Variants in CLTCL1 observed in about 807,000 individuals in gnomAD.
CLTCL1 encodes clathrin heavy chain 2.
Under a neutral mutation model 190.0 loss-of-function variants are expected in CLTCL1, and 159 were observed. The observed-to-expected ratio is 0.84, with a 90% CI of 0.74 to 0.95. The LOEUF is 0.95. Among genes scored for constraint, CLTCL1 ranks in the 40% least tolerant of loss-of-function variants. The pLI, the probability that CLTCL1 is intolerant of heterozygous loss-of-function variation, is 0.00. For missense variants in CLTCL1, 1,878 were observed against 2,033.4 expected (o/e 0.92, Z 1.47); for synonymous variants, 752 against 769.6 (o/e 0.98, Z 0.38).
rs528373601 is a variant in CLTCL1, at chr22:19,263,253, C to A, written c.251-9026G>T. 7.7e-3 allele frequency among the ~76,000 whole-genome samples: 1,121 copies of A among 146,240 alleles called. 12 individuals carry two copies. Among genetic ancestry groups the A allele is most frequent in the Non-Finnish European group, 9.2e-3 (617 of 66,882 alleles). ...GAGACTACAGGCGTGCACCACCACACCCAGAATTTTTTTTTTTTTTTTTTG... is the reference window on the plus strand; with the variant it reads ...GAGACTACAGGCGTGCACCACCACAACCAGAATTTTTTTTTTTTTTTTTTG... On this transcript the variant is annotated intron_variant, in intron 2 of 32. Transcript: ENST00000427926.
chr22:19,187,899 G>A, intron 28 of CLTCL1, 82 bp downstream of exon 28: 1 of 1,453,650 alleles, frequency 6.9e-7, no homozygotes, highest in Non-Finnish European at 9.6e-7. Context: ...CTGTGCAAAG[G>A]CAGCCTGCTT....
intron 18 of CLTCL1, 52 bp downstream of exon 18, chr22:19,219,833 T>C: frequency 6.2e-7 from 1 of 1,606,996 alleles, no homozygotes; most frequent in African/African-American, 1.3e-5. Flanking sequence ...GCCACAATGA[T>C]GATCGGACGG....
intron 20 of CLTCL1, 72 bp from the exon 21 acceptor site, chr22:19,209,186 T>C: frequency 7.2e-7 from 1 of 1,389,532 alleles, no homozygotes; most frequent in Non-Finnish European, 9.7e-7. Context: ...CATTTTTGTT[T>C]GGTTTCCTGT....
chr22:19,268,995 CAGG>C, intron 2 of CLTCL1, among the ~76,000 whole-genome samples: 1 of 150,706 alleles, frequency 6.6e-6, no homozygotes, highest in South Asian at 2.1e-4. Context: ...GAGGCTGAGG[CAGG>C]AGAATTGCTT....
intron 27 of CLTCL1, among the ~76,000 whole-genome samples, chr22:19,190,431 A>C (rs1419546415): frequency 1.3e-5 from 2 of 152,032 alleles, no homozygotes; most frequent in African/African-American, 4.8e-5. Flanking sequence ...AACAATTACA[A>C]TAGTAACATC....
intron 31 of CLTCL1, 103 bp downstream of exon 31, chr22:19,180,628 C>T: frequency 8.9e-7 from 1 of 1,128,486 alleles, no homozygotes; most frequent in South Asian, 1.3e-5. Context: ...CCCCACCCAT[C>T]TATTCCCATC....
At chr22:19,271,258 T>G (rs1555980572) in intron 2 of CLTCL1, among the ~76,000 whole-genome samples, 2 of 152,200 alleles carry the variant, frequency 1.3e-5, no homozygotes. Flanking sequence ...CACTCAAATC[T>G]CATCTCAAGT....
At chr22:19,222,435 A>G (rs1221608335) in intron 15 of CLTCL1, among the ~76,000 whole-genome samples, 1 of 152,214 alleles carries the variant, frequency 6.6e-6, no homozygotes, top group East Asian at 1.9e-4. Flanking sequence ...GACAGCCTTC[A>G]CCAGAAACCA....
intron 32 of CLTCL1, 31 bp from the exon 33 acceptor site, chr22:19,180,000 G>C (rs1555925018): frequency 1.5e-5 from 9 of 597,342 alleles, no homozygotes; most frequent in Non-Finnish European, 2.1e-5. Flanking sequence ...AATGAGCAGA[G>C]CTCTTCCTGC....
At chr22:19,220,667 C>T (rs903911794) in intron 17 of CLTCL1, among the ~76,000 whole-genome samples, 2 of 152,192 alleles carry the variant, frequency 1.3e-5, no homozygotes, top group South Asian at 2.1e-4. Flanking sequence ...GGCTGAGCGG[C>T]GTGCACACGT....
Position 19,240,647 on chromosome 22 carries a change from G to A in CLTCL1, c.682-1259C>T, listed in dbSNP as rs1227713074. Among the ~76,000 whole-genome samples the A allele has an allele frequency of 8.5e-5, 13 of 152,344 alleles. No homozygotes were observed. The East Asian group carries it at 2.3e-3, about 27-fold the overall frequency. ...TGGCTAGGCCTATTGGTAAGAAGGC[G>A]TGAAGCAGGTCTGAGGACCTAATAA... On this transcript the variant is annotated intron_variant, in intron 4 of 32. Transcript: ENST00000427926.
At chr22:19,287,017 A>C (rs569289248) in intron 1 of CLTCL1, among the ~76,000 whole-genome samples, 1 of 152,300 alleles carries the variant, frequency 6.6e-6, no homozygotes, top group East Asian at 1.9e-4. Context: ...CACAGCTTAC[A>C]AACTTGGAGC....
chr22:19,229,630 C>T lies in CLTCL1; in HGVS notation c.1782+208G>A, dbSNP rs140225894. On this transcript the variant is annotated intron_variant, in intron 11 of 32. Transcript: ENST00000427926. ...AAAAGAAGAAAGGAAGAAATGCTGC[C>T]CTAATTAGAACTGTTTCCATGAAAG... Among the ~76,000 whole-genome samples, 853 of 152,226 alleles carry T rather than the reference C, an allele frequency of 5.6e-3. 6 individuals are homozygous for T. The highest frequency in any genetic ancestry group is 0.02 in the African/African-American group (819 of 41,552).
Position 19,233,225 on chromosome 22 carries a change from C to G in CLTCL1, c.1462G>C (p.Val488Leu), listed in dbSNP as rs1555959968. ...VYLRANVPSK[V>L]IQCFAETGQF... is the part of the protein sequence containing the mutation. ...CCTGTTTCTGCAAAACACTGGATCA[C>G]TTTGCTTGGCACATTTGCCCGAAGG... Residue 488 changes from valine to leucine, a missense_variant, in exon 9 of 33, where the codon GTG becomes CTG. Coordinates refer to ENST00000427926, the MANE Select transcript of CLTCL1 (RefSeq NM_007098.4). 2 of 1,614,022 alleles carry G rather than the reference C, an allele frequency of 1.2e-6. No individual in the cohort carries two copies.
intron 5 of CLTCL1, among the ~76,000 whole-genome samples, chr22:19,237,529 A>G (rs1011505555): frequency 1.3e-4 from 20 of 152,122 alleles, no homozygotes; most frequent in African/African-American, 4.8e-4. Context: ...TGTGCCCCTG[A>G]CCCAGCAGTT....
At chr22:19,285,317 C>T (rs1258521526) in intron 1 of CLTCL1, among the ~76,000 whole-genome samples, 3 of 151,978 alleles carry the variant, frequency 2.0e-5, no homozygotes, top group African/African-American at 7.2e-5. Flanking sequence ...TACCAAAGAG[C>T]CTTTCCTAGC....
At chr22:19,286,842 C>A (rs529639707) in intron 1 of CLTCL1, among the ~76,000 whole-genome samples, 2 of 152,304 alleles carry the variant, frequency 1.3e-5, no homozygotes, top group Admixed American at 6.5e-5. Flanking sequence ...AGGCTGCAGG[C>A]CATTCTCACA....
chr22:19,189,053 G>A (rs1005363235), intron 27 of CLTCL1, among the ~76,000 whole-genome samples: 4 of 151,490 alleles, frequency 2.6e-5, no homozygotes, highest in East Asian at 1.9e-4. Context: ...ACAGGTGCGC[G>A]CCCACCACAC....
At chr22:19,282,037 T>C (rs573248376) in intron 1 of CLTCL1, among the ~76,000 whole-genome samples, 10 of 152,110 alleles carry the variant, frequency 6.6e-5, no homozygotes, top group Middle Eastern at 3.4e-3. Context: ...TCTTCAGAAA[T>C]GGGAAAGGGG....
Sources: gnomAD v4.1 joint callset for allele counts (sites outside exome capture counted in the v4.1 genomes callset) on GRCh38, gnomAD v4.1.1 for gene constraint, MANE v1.5 for transcripts, NCBI Gene and HGNC (gene_info 2026-07-23, HGNC 2026-07-21) for gene names.